SLAIN2: variants seen among roughly 807,000 people sequenced by gnomAD.
The protein encoded by SLAIN2 is SLAIN family member 2.
A neutral mutation model predicts 56.6 loss-of-function variants in SLAIN2; 31 were observed. The ratio of observed to expected loss-of-function variants is 0.55; its 90% CI spans 0.41 to 0.74. The LOEUF (loss-of-function observed/expected upper bound fraction) is 0.74, where lower values mean the gene tolerates loss of function less well. SLAIN2 is among the 30% of genes least tolerant of loss of function. The probability of loss-of-function intolerance (pLI) is 0.00; values close to 1 mark genes in which losing one functional copy is unlikely to be tolerated. For synonymous variants in SLAIN2, 317 were observed against 284.9 expected (o/e 1.11, Z -1.13); for missense variants, 777 against 754.2 (o/e 1.03, Z -0.35).
At chr4:48,369,536 A>G (rs1400136258) in intron 1 of SLAIN2, among the ~76,000 whole-genome samples, 8 of 152,198 alleles carry the variant, frequency 5.3e-5, no homozygotes, top group Non-Finnish European at 1.2e-4. Context: ...TAATCTGGCT[A>G]TATTAGGGAG....
At chr4:48,390,042 G>A (rs1016276343) in intron 6 of SLAIN2, among the ~76,000 whole-genome samples, 5 of 151,654 alleles carry the variant, frequency 3.3e-5, no homozygotes, top group Admixed American at 1.3e-4. Context: ...GGGAGTGAGG[G>A]TGATGAGATC....
intron 5 of SLAIN2, 80 bp from the exon 6 acceptor site, chr4:48,383,567 G>T: frequency 3.2e-5 from 37 of 1,167,608 alleles, no homozygotes; most frequent in Admixed American, 9.2e-5. Context: ...TAAACAATTT[G>T]ATTTTTGAAT....
At position 48,420,001 on chromosome 4, in the gene SLAIN2, G is replaced by C. The variant is rs1481076128; in HGVS notation, c.1361-124G>C. ...AGCCCAGGAATAGCTTTTATTGTTT[G>C]CATTGCTGTGAAGTTTCCTGAATAC... is the stretch of plus-strand genomic sequence containing the variant. On this transcript the variant is annotated intron_variant, in intron 6 of 7. Coordinates refer to ENST00000264313, the MANE Select transcript of SLAIN2 (RefSeq NM_020846.2). 3 of 907,620 alleles carry C rather than the reference G, an allele frequency of 3.3e-6. No homozygotes were observed. In the East Asian group the frequency reaches 7.9e-5, roughly 24 times the overall value. 56.2% of individuals were successfully genotyped at this position (907,620 alleles called of 1,614,324 possible).
chr4:48,365,715 C>T (rs551027443), intron 1 of SLAIN2, among the ~76,000 whole-genome samples: 1 of 152,114 alleles, frequency 6.6e-6, no homozygotes, highest in South Asian at 2.1e-4. Flanking sequence ...GTGCCTGCCA[C>T]CACACTCCGC....
intron 1 of SLAIN2, among the ~76,000 whole-genome samples, chr4:48,364,885 G>A (rs903638160): frequency 1.3e-4 from 19 of 143,776 alleles, no homozygotes; most frequent in African/African-American, 3.6e-4. Context: ...GGAGGGGGAG[G>A]GGGAGGGGGA....
chr4:48,377,605 T>G (rs1715855942), intron 2 of SLAIN2, among the ~76,000 whole-genome samples: 1 of 152,192 alleles, frequency 6.6e-6, no homozygotes, highest in South Asian at 2.1e-4. Context: ...TATCAAAGAA[T>G]AAACTTTCCA....
intron 1 of SLAIN2, among the ~76,000 whole-genome samples, chr4:48,362,521 C>A (rs1479250870): frequency 1.4e-5 from 2 of 147,872 alleles, no homozygotes; most frequent in Non-Finnish European, 3.0e-5. Flanking sequence ...TAGGTTCAAG[C>A]GATTCTCCTG....
intron 6 of SLAIN2, among the ~76,000 whole-genome samples, chr4:48,384,759 T>G (rs1716059728): frequency 6.6e-6 from 1 of 152,208 alleles, no homozygotes; most frequent in Non-Finnish European, 1.5e-5. Context: ...AGTAGTATGT[T>G]AAATCAATAC....
At chr4:48,389,964 C>G (rs1304419199) in intron 6 of SLAIN2, among the ~76,000 whole-genome samples, 1 of 152,036 alleles carries the variant, frequency 6.6e-6, no homozygotes, top group Non-Finnish European at 1.5e-5. Context: ...TGAGGTGAGA[C>G]TAGAAACCAC....
chr4:48,388,922 A>G (rs1716165427), intron 6 of SLAIN2, among the ~76,000 whole-genome samples: 3 of 152,214 alleles, frequency 2.0e-5, no homozygotes, highest in Non-Finnish European at 4.4e-5. Context: ...ATATAGCATC[A>G]ACATTGTACT....
intron 6 of SLAIN2, among the ~76,000 whole-genome samples, chr4:48,419,920 G>A (rs1717101818): frequency 6.6e-6 from 1 of 152,168 alleles, no homozygotes; most frequent in Non-Finnish European, 1.5e-5. Flanking sequence ...AAAGACAGTT[G>A]TAATCCTCTA....
intron 1 of SLAIN2, among the ~76,000 whole-genome samples, chr4:48,368,657 A>G (rs1405285906): frequency 3.3e-5 from 5 of 152,196 alleles, no homozygotes; most frequent in Non-Finnish European, 7.3e-5. Flanking sequence ...GCAGTATTTA[A>G]ATTGGAAAGA....
chr4:48,412,386 AC>A (rs1716881409), intron 6 of SLAIN2, among the ~76,000 whole-genome samples: 1 of 85,892 alleles, frequency 1.2e-5, no homozygotes. Flanking sequence ...ACACACACAC[AC>A]ACACACACAC....
intron 2 of SLAIN2, among the ~76,000 whole-genome samples, chr4:48,376,186 A>T (rs1007012980): frequency 9.2e-5 from 14 of 152,136 alleles, no homozygotes; most frequent in Non-Finnish European, 5.9e-5. Context: ...GGGCACGGTG[A>T]CTCACGCCTG....
intron 1 of SLAIN2, among the ~76,000 whole-genome samples, chr4:48,344,917 C>T (rs867273902): frequency 2.9e-4 from 44 of 152,234 alleles, no homozygotes; most frequent in African/African-American, 9.9e-4. Context: ...AGTTGCAATT[C>T]TCACTTGAAA....
In SLAIN2 at chr4:48,341,831, T is replaced by A; in HGVS notation, c.92T>A (p.Leu31Gln). ...AAGCTGGAGAAGCAGAACGAACAGC[T>A]GAGGAGCCGCTCGGGGGCCGTGCAG... is the stretch of plus-strand genomic sequence containing the variant. Reference protein sequence around the residue: ...VKKLEKQNEQLRSRSGAVQGA... With the variant: ...VKKLEKQNEQQRSRSGAVQGA... Residue 31 changes from leucine (L) to glutamine (Q), a missense_variant, in exon 1 of 8, where the codon CTG becomes CAG. Coordinates refer to ENST00000264313, the MANE Select transcript of SLAIN2 (RefSeq NM_020846.2). 1 of 1,529,904 alleles carries A rather than the reference T, an allele frequency of 6.5e-7. No homozygotes were observed. The highest frequency in any genetic ancestry group is 8.8e-7 in the Non-Finnish European group (1 of 1,138,666). 94.8% of individuals were successfully genotyped at this position (1,529,904 alleles called of 1,614,324 possible).
chr4:48,403,740 C>G (rs1269826724), intron 6 of SLAIN2, among the ~76,000 whole-genome samples: 1 of 152,196 alleles, frequency 6.6e-6, no homozygotes, highest in Non-Finnish European at 1.5e-5. Flanking sequence ...GATTCAGCCC[C>G]CTTCCTAGGG....
At chr4:48,412,197 A>G (rs1716874095) in intron 6 of SLAIN2, among the ~76,000 whole-genome samples, 1 of 152,188 alleles carries the variant, frequency 6.6e-6, no homozygotes, top group African/African-American at 2.4e-5. Context: ...CTGTTTATAT[A>G]TACTGTGTAC....
At chr4:48,412,701 A>G (rs1716894549) in intron 6 of SLAIN2, among the ~76,000 whole-genome samples, 1 of 152,158 alleles carries the variant, frequency 6.6e-6, no homozygotes, top group Non-Finnish European at 1.5e-5. Flanking sequence ...CATTTTCTGC[A>G]TCTTACATTT....
Sources: allele counts gnomAD v4.1 joint callset (sites outside exome capture counted in the v4.1 genomes callset), GRCh38; gene constraint gnomAD v4.1.1; transcripts MANE v1.5; gene names NCBI Gene and HGNC (gene_info 2026-07-23, HGNC 2026-07-21).